Variants in CLGN observed in about 807,000 individuals in gnomAD.
The protein encoded by CLGN is testis tissue sperm-binding protein Li 79P.
CLGN carries 62 observed loss-of-function variants against 79.1 expected under a neutral mutation model. The observed-to-expected ratio is 0.78, with a 90% confidence interval of 0.64 to 0.97. CLGN has a LOEUF of 0.97. Among genes scored for constraint, CLGN ranks in the 50% least tolerant of loss-of-function variants. The pLI is 0.00. For missense variants in CLGN, 647 were observed against 715.5 expected, an observed-to-expected ratio of 0.90 and a Z score of 1.09; for synonymous variants, 225 against 224.7, an observed-to-expected ratio of 1.00 and a Z score of -0.01.
Position 140,388,933 on chromosome 4 carries a change from T to C in CLGN, c.*291A>G. The C allele has an allele frequency of 6.6e-6, 2 of 302,882 alleles. No individual in the cohort carries two copies. The highest frequency in any genetic ancestry group is 6.0e-5 in the East Asian group (1 of 16,752). 18.8% of individuals were successfully genotyped at this position (302,882 alleles called of 1,614,324 possible). ...GAAGCTGCTACATATTATTTTGTTC[T>C]GTACAAACCAAAACTATCTCCAAAC... On this transcript the variant is annotated 3_prime_UTR_variant, in exon 15 of 15. Coordinates refer to ENST00000325617, the MANE Select transcript of CLGN (RefSeq NM_004362.3).
Position 140,413,051 on chromosome 4 carries a change from A to C in CLGN, c.28T>G (p.Leu10Val). Residue 10 changes from leucine (L) to valine (V), a missense_variant, in exon 2 of 15, where the codon TTG becomes GTG. By Grantham distance (32) the Leu-to-Val change is conservative. Coordinates refer to ENST00000325617, the MANE Select transcript of CLGN (RefSeq NM_004362.3). ...TTAATTGAGATGAACAGAAGACCCAAACATAGCCAAAAGGCTTGGAAATGC... is the reference window on the plus strand; with the variant it reads ...TTAATTGAGATGAACAGAAGACCCACACATAGCCAAAAGGCTTGGAAATGC... Reference protein sequence around the residue: MHFQAFWLCLGLLFISINAE... With the variant: MHFQAFWLCVGLLFISINAE... The C allele has an allele frequency of 6.2e-7, 1 of 1,612,712 alleles. No homozygotes were observed. The highest frequency in any genetic ancestry group is 8.5e-7 in the Non-Finnish European group (1 of 1,179,490).
intron 1 of CLGN, among the ~76,000 whole-genome samples, chr4:140,423,716 G>GTTCAGATT (rs1433784859): frequency 2.0e-5 from 3 of 152,144 alleles, no homozygotes; most frequent in Non-Finnish European, 4.4e-5. Context: ...TTACAGGTCT[G>GTTCAGATT]TTCAGATTTT....
chr4:140,424,039 T>C (rs1394139805), intron 1 of CLGN, among the ~76,000 whole-genome samples: 3 of 152,152 alleles, frequency 2.0e-5, no homozygotes, highest in Admixed American at 6.5e-5. Context: ...TAATCTTTAT[T>C]ATTTCCCTCT....
intron 1 of CLGN, among the ~76,000 whole-genome samples, chr4:140,419,953 G>C (rs1729432117): frequency 6.6e-6 from 1 of 151,902 alleles, no homozygotes; most frequent in Non-Finnish European, 1.5e-5. Flanking sequence ...AAAGCCTAAG[G>C]GCCTTCCATG....
chr4:140,390,782 C>T, intron 13 of CLGN, 54 bp from the exon 14 acceptor site: 1 of 1,214,048 alleles, frequency 8.2e-7, no homozygotes, highest in Non-Finnish European at 1.2e-6. Flanking sequence ...AATTTTGCTA[C>T]TGAAAAGTAT....
chr4:140,401,139 C>A (rs1728991483), intron 6 of CLGN, among the ~76,000 whole-genome samples: 1 of 152,146 alleles, frequency 6.6e-6, no homozygotes, highest in Admixed American at 6.5e-5. Context: ...CTCTGCACCT[C>A]CATTTCATCA....
chr4:140,390,355 T>A (rs1334463039), intron 14 of CLGN, among the ~76,000 whole-genome samples: 1 of 151,804 alleles, frequency 6.6e-6, no homozygotes, highest in Non-Finnish European at 1.5e-5. Context: ...AGAATTTCAA[T>A]GAGAAAGTCA....
chr4:140,404,739 C>T (rs538130814), intron 5 of CLGN, among the ~76,000 whole-genome samples: 1 of 152,078 alleles, frequency 6.6e-6, no homozygotes, highest in South Asian at 2.1e-4. Context: ...ACTGCAGCCT[C>T]GACTTCCTGG....
At chr4:140,405,206 A>T in intron 5 of CLGN, among the ~76,000 whole-genome samples, 1 of 120,110 alleles carries the variant, frequency 8.3e-6, no homozygotes, top group Non-Finnish European at 1.7e-5. Flanking sequence ...TTTTTTTGAG[A>T]CGGAGTCTCG....
Position 140,393,831 on chromosome 4 carries a change from T to G in CLGN, c.1360A>C (p.Asn454His), listed in dbSNP as rs1391116845. The G allele has an allele frequency of 6.2e-7, 1 of 1,613,290 alleles. No homozygotes were observed. The highest frequency in any genetic ancestry group is 1.3e-5 in the African/African-American group (1 of 74,916). Residue 454 changes from asparagine to histidine, a missense_variant, in exon 11 of 15, where the codon AAT (asparagine) becomes CAT (histidine). Asn to His is a moderately conservative substitution (Grantham distance 68). Transcript: ENST00000325617. ...GCTATTGGTCAACACCATACCTTAT[T>G]AGCATTTGCTATCATTATTTTCCAT... ...WRWKIMIANA[N>H]KPGVLKQLMA...
At chr4:140,412,770 G>A (rs1729236764) in intron 2 of CLGN, among the ~76,000 whole-genome samples, 165 bp downstream of exon 2, 1 of 151,936 alleles carries the variant, frequency 6.6e-6, no homozygotes, top group African/African-American at 2.4e-5. Context: ...GAATTACATG[G>A]GCACTCTAAA....
At chr4:140,390,597 T>C (rs1345711838) in intron 14 of CLGN, 31 bp downstream of exon 14, 1 of 1,484,232 alleles carries the variant, frequency 6.7e-7, no homozygotes, top group Non-Finnish European at 9.2e-7. Context: ...GGATAACAAC[T>C]ATACATAGAA....
intron 1 of CLGN, among the ~76,000 whole-genome samples, chr4:140,417,456 T>C (rs1202461123): frequency 0.013 from 1,709 of 135,378 alleles, 10 homozygotes; most frequent in African/African-American, 0.035. Context: ...AAAACCCCAT[T>C]GTCTCAGCCC....
chr4:140,389,103 G>T lies in CLGN; in HGVS notation c.*121C>A. ...GAAGGACTAAAATAAATGTCTGAAA[G>T]AATATAATGTTGCTAGATATTAGAA... On this transcript the variant is annotated 3_prime_UTR_variant, in exon 15 of 15. Transcript: ENST00000325617. 1 of 720,278 alleles carries T rather than the reference G, an allele frequency of 1.4e-6. No homozygotes were observed. The highest frequency in any genetic ancestry group is 2.3e-6 in the Non-Finnish European group (1 of 429,264). The allele number at this position is 720,278 out of a possible 1,614,324, so 44.6% of individuals were successfully genotyped here.
chr4:140,390,588 G>T, intron 14 of CLGN, 40 bp downstream of exon 14: 2 of 1,369,396 alleles, frequency 1.5e-6, no homozygotes, highest in Non-Finnish European at 2.0e-6. Flanking sequence ...ACTTTTTATG[G>T]ATAACAACTA....
intron 11 of CLGN, 93 bp downstream of exon 11, chr4:140,393,733 T>C: frequency 2.0e-6 from 2 of 1,022,054 alleles, no homozygotes; most frequent in Non-Finnish European, 2.9e-6. Context: ...GCACATTTAT[T>C]TGCATTTAAA....
intron 1 of CLGN, among the ~76,000 whole-genome samples, chr4:140,422,345 CT>C (rs1238303854): frequency 6.6e-6 from 1 of 152,178 alleles, no homozygotes; most frequent in Non-Finnish European, 1.5e-5. Flanking sequence ...CTGTAGATTA[CT>C]TTGGGTTGTG....
intron 1 of CLGN, 73 bp from the exon 2 acceptor site, chr4:140,413,160 A>C: frequency 8.5e-7 from 1 of 1,182,000 alleles, no homozygotes; most frequent in Non-Finnish European, 1.2e-6. Flanking sequence ...TGTAGAAATA[A>C]ATAATTTCTC....
intron 1 of CLGN, among the ~76,000 whole-genome samples, chr4:140,415,157 T>C (rs1729301128): frequency 6.6e-6 from 1 of 151,548 alleles, no homozygotes. Context: ...TGCTGAGAGA[T>C]TTTGTCACCA....
Sources: gnomAD v4.1 joint callset for allele counts (sites outside exome capture counted in the v4.1 genomes callset) on GRCh38, gnomAD v4.1.1 for gene constraint, MANE v1.5 for transcripts, NCBI Gene and HGNC (gene_info 2026-07-23, HGNC 2026-07-21) for gene names.